Variants in SCFD1 observed in about 807,000 individuals in gnomAD.
SCFD1 encodes sec1 family domain-containing protein 1.
SCFD1 carries 37 observed loss-of-function variants against 103.2 expected under a neutral mutation model. That is an observed-to-expected ratio of 0.36 (90% CI 0.28 to 0.47). The LOEUF (loss-of-function observed/expected upper bound fraction) is 0.47, where lower values mean the gene tolerates loss of function less well. Ranked by LOEUF, SCFD1 falls within the 20% of genes least tolerant of loss-of-function variation. The pLI, the probability that SCFD1 is intolerant of heterozygous loss-of-function variation, is 1.00. For synonymous variants in SCFD1, 264 were observed against 245.0 expected (o/e 1.08, Z -0.73); for missense variants, 639 against 761.2 (o/e 0.84, Z 1.89).
intron 14 of SCFD1, among the ~76,000 whole-genome samples, chr14:30,676,824 A>T (rs560410158): frequency 1.3e-5 from 2 of 152,350 alleles, no homozygotes; most frequent in African/African-American, 4.8e-5. Context: ...CTGGAAATAA[A>T]AGTGGAACTG....
At position 30,622,344 on chromosome 14, in the gene SCFD1, G is replaced by GGCGGCGGCGGCAGCGACAGCA; in HGVS notation, c.9_29dup (p.Ala7_Ala13dup). ...AGTGGCTCGTGGGAGCCAAGATGGC[G>GGCGGCGGCGGCAGCGACAGCA]GCGGCGGCGGCAGCGACAGCAGCAG... On this transcript the variant is annotated inframe_insertion, in exon 1 of 25. Transcript: ENST00000458591. 6.4e-7 allele frequency: 1 copy of GGCGGCGGCGGCAGCGACAGCA among 1,572,390 alleles called. No homozygotes were observed. The highest frequency in any genetic ancestry group is 1.2e-5 in the South Asian group (1 of 86,170).
chr14:30,651,537 T>C (rs1432400273), intron 9 of SCFD1, among the ~76,000 whole-genome samples: 1 of 151,290 alleles, frequency 6.6e-6, no homozygotes, highest in East Asian at 2.0e-4. Flanking sequence ...TCTCATTAGG[T>C]AGAAGAAAAA....
chr14:30,721,938 C>G, intron 22 of SCFD1, 21 bp downstream of exon 22: 14 of 1,577,066 alleles, frequency 8.9e-6, no homozygotes, highest in Non-Finnish European at 1.0e-5. Context: ...TATAAAAATT[C>G]TCTGTTCCTA....
intron 17 of SCFD1, among the ~76,000 whole-genome samples, chr14:30,704,240 A>G (rs1446991187): frequency 2.6e-5 from 4 of 151,942 alleles, no homozygotes. Context: ...CAGTGATACA[A>G]TCATAGCTCA....
chr14:30,712,989 T>C (rs1274980247), intron 19 of SCFD1, among the ~76,000 whole-genome samples: 1 of 152,196 alleles, frequency 6.6e-6, no homozygotes, highest in Non-Finnish European at 1.5e-5. Context: ...GCAAAGAATA[T>C]TGTATGGTTT....
In SCFD1 at chr14:30,649,224, C is replaced by T. The variant is rs189444791; in HGVS notation, c.614-304C>T. On this transcript the variant is annotated intron_variant, in intron 7 of 24. Coordinates refer to ENST00000458591, the MANE Select transcript of SCFD1 (RefSeq NM_016106.4). ...TATAAATCCTTTTATGTGTGCTTGT[C>T]GGGGGAGGGTTGAAAAATTACCTTT... Among the ~76,000 whole-genome samples, 315 of 152,000 alleles carry T rather than the reference C, an allele frequency of 2.1e-3. 1 individual carries two copies. The highest frequency in any genetic ancestry group is 3.2e-3 in the Admixed American group (49 of 15,264).
chr14:30,633,676 G>C (rs1884409370), intron 3 of SCFD1, among the ~76,000 whole-genome samples: 1 of 152,150 alleles, frequency 6.6e-6, no homozygotes, highest in Admixed American at 6.5e-5. Flanking sequence ...CAAGGAGAGT[G>C]TTGGTAGAAA....
chr14:30,633,220 AT>A (rs1367187011), intron 3 of SCFD1, among the ~76,000 whole-genome samples: 1 of 152,178 alleles, frequency 6.6e-6, no homozygotes, highest in Non-Finnish European at 1.5e-5. Flanking sequence ...CACTGGCAGC[AT>A]GTGCCTCTTT....
At chr14:30,696,538 T>C (rs1311446829) in intron 15 of SCFD1, among the ~76,000 whole-genome samples, 2 of 152,092 alleles carry the variant, frequency 1.3e-5, no homozygotes, top group African/African-American at 4.8e-5. Flanking sequence ...GCCACTTCGG[T>C]CCAGAATAAG....
chr14:30,677,956 C>G (rs934692705), intron 14 of SCFD1, among the ~76,000 whole-genome samples: 1 of 149,130 alleles, frequency 6.7e-6, no homozygotes, highest in East Asian at 2.0e-4. Context: ...TCTTCTGCCT[C>G]AGCCTCCTGA....
chr14:30,681,062 A>G (rs984923440), intron 14 of SCFD1, among the ~76,000 whole-genome samples: 1 of 152,110 alleles, frequency 6.6e-6, no homozygotes, highest in African/African-American at 2.4e-5. Context: ...CCTCATCTCT[A>G]CTAAAAATAC....
chr14:30,657,475 A>G (rs1247016111), intron 10 of SCFD1, among the ~76,000 whole-genome samples: 1 of 152,196 alleles, frequency 6.6e-6, no homozygotes, highest in East Asian at 1.9e-4. Context: ...CTACTATTTG[A>G]AGTGAAAATA....
At chr14:30,708,678 C>G (rs1017330040) in intron 19 of SCFD1, among the ~76,000 whole-genome samples, 1 of 127,174 alleles carries the variant, frequency 7.9e-6, no homozygotes, top group Non-Finnish European at 1.6e-5. Context: ...TTTCTTTTAA[C>G]ATATAATCAG....
At chr14:30,694,352 T>C (rs1890536913) in intron 14 of SCFD1, among the ~76,000 whole-genome samples, 1 of 152,212 alleles carries the variant, frequency 6.6e-6, no homozygotes, top group Admixed American at 6.5e-5. Context: ...TAAATATATA[T>C]TCAAAAGTAA....
intron 15 of SCFD1, among the ~76,000 whole-genome samples, chr14:30,697,097 G>A (rs578245231): frequency 1.7e-4 from 26 of 152,080 alleles, no homozygotes; most frequent in Admixed American, 1.2e-3. Context: ...CATGTATTCC[G>A]TAACTCTGCC....
intron 14 of SCFD1, among the ~76,000 whole-genome samples, chr14:30,683,755 G>A (rs1889689507): frequency 6.6e-6 from 1 of 152,188 alleles, no homozygotes; most frequent in South Asian, 2.1e-4. Flanking sequence ...TTGCAACATA[G>A]AAAGGTTTAT....
intron 15 of SCFD1, among the ~76,000 whole-genome samples, chr14:30,699,381 G>A (rs139902666): frequency 1.3e-5 from 2 of 152,270 alleles, no homozygotes; most frequent in East Asian, 3.9e-4. Flanking sequence ...ACTTTAAAGT[G>A]AGACTGAATA....
chr14:30,719,376 A>G lies in SCFD1; in HGVS notation c.1735A>G (p.Ser579Gly). 3 of 1,603,212 alleles carry G rather than the reference A, an allele frequency of 1.9e-6. No individual in the cohort carries two copies. Among genetic ancestry groups the G allele is most frequent in the Non-Finnish European group, 2.6e-6 (3 of 1,174,980 alleles). ...TCCCAAAATGCTGCGGGGCAATGAC[A>G]GGTAAGCAGCTTTTGTCTTGTTTAA... is the stretch of plus-strand genomic sequence containing the variant. ...FDPKMLRGNDSSVPRNKNPFQ... is the reference protein window; with the variant it reads ...FDPKMLRGNDGSVPRNKNPFQ... Residue 579 changes from serine (S) to glycine (G), a missense_variant and splice_region_variant, in exon 21 of 25, where the codon AGC (serine) becomes GGC (glycine). Ser to Gly is a moderately conservative substitution (Grantham distance 56, BLOSUM62 0). Transcript: ENST00000458591.
Position 30,734,655 on chromosome 14 carries a change from A to G in SCFD1, c.1837-135A>G, listed in dbSNP as rs750439724. ...TTCATGCAATTTTAGGTAGATGTGT[A>G]TACTAAAATCCAACAGTATCCCAAA... On this transcript the variant is annotated intron_variant, in intron 23 of 24. Coordinates refer to ENST00000458591, the MANE Select transcript of SCFD1 (RefSeq NM_016106.4). 6.6e-4 allele frequency: 447 copies of G among 679,068 alleles called. 2 individuals carry two copies. Among genetic ancestry groups the G allele is most frequent in the South Asian group, 2.7e-3 (160 of 58,896 alleles). 42.1% of individuals were successfully genotyped at this position (679,068 alleles called of 1,614,324 possible).
Sources: gnomAD v4.1 joint callset for allele counts (sites outside exome capture counted in the v4.1 genomes callset) on GRCh38, gnomAD v4.1.1 for gene constraint, MANE v1.5 for transcripts, NCBI Gene and HGNC (gene_info 2026-07-23, HGNC 2026-07-21) for gene names.